RPL8: variants seen among roughly 807,000 people sequenced by gnomAD.
The protein encoded by RPL8 is large ribosomal subunit protein uL2.
For synonymous variants in RPL8, 182 were observed against 143.2 expected (o/e 1.27, Z -1.94); for missense variants, 248 against 365.9 (o/e 0.68, Z 2.63).
chr8:144,792,311 G>T lies in RPL8; in HGVS notation c.-182C>A. 1.1e-6 allele frequency: 1 copy of T among 925,602 alleles called. No homozygotes were observed. The highest frequency in any genetic ancestry group is 1.5e-6 in the Non-Finnish European group (1 of 681,976). The allele number at this position is 925,602 out of a possible 1,614,324, so 57.3% of individuals were successfully genotyped here. A position where few individuals can be genotyped will look rare whatever the true frequency, so the allele number is the denominator to read the frequency against. ...CGGTCCGGGTCTCAGCGCGCCTCAC[G>T]GAAGAGGATGGCGGCGGATACTGCC... On this transcript the variant is annotated 5_prime_UTR_variant, in exon 1 of 5. Transcript: ENST00000528957.
rs1262467941 is a variant in RPL8 at position 144,792,008 on chromosome 8, A to C, written c.122T>G (p.Ile41Ser). ...AVDFAERHGY[I>S]KGIVKDIIHD... Reference sequence around the variant, plus strand: ...GTTCCGCACCTTGACGATGCCCTTGATGTAGCCGTGCCGCTCAGCGAAATC... The same window carrying C: ...GTTCCGCACCTTGACGATGCCCTTGCTGTAGCCGTGCCGCTCAGCGAAATC... The change falls in exon 1 of 5, where the codon ATC (isoleucine) becomes AGC (serine). Residue 41 changes from isoleucine to serine, a missense_variant. Transcript: ENST00000528957. 1 of 1,609,048 alleles carries C rather than the reference A, an allele frequency of 6.2e-7. No individual in the cohort carries two copies. The highest frequency in any genetic ancestry group is 8.5e-7 in the Non-Finnish European group (1 of 1,177,930).
intron 4 of RPL8, 46 bp downstream of exon 4, chr8:144,790,309 G>A (rs374873151): frequency 6.6e-5 from 98 of 1,480,186 alleles, no homozygotes; most frequent in Non-Finnish European, 8.7e-5. Flanking sequence ...CAACAGTGTG[G>A]CCACTGTAAC....
Position 144,792,217 on chromosome 8 carries a change from C to T in RPL8, c.-88G>A. Reference sequence around the variant, plus strand: ...GCCCGGCTTTCCGGGACCCCGCCCCCGAGGCCGCCGCGCCCACCACTCCCT... The same window carrying T: ...GCCCGGCTTTCCGGGACCCCGCCCCTGAGGCCGCCGCGCCCACCACTCCCT... On this transcript the variant is annotated 5_prime_UTR_variant, in exon 1 of 5. Coordinates refer to ENST00000528957, the MANE Select transcript of RPL8 (RefSeq NM_001317782.2). 7.2e-7 allele frequency: 1 copy of T among 1,388,746 alleles called. No homozygotes were observed. The highest frequency in any genetic ancestry group is 9.3e-7 in the Non-Finnish European group (1 of 1,078,064). The allele number at this position is 1,388,746 out of a possible 1,614,324, so 86.0% of individuals were successfully genotyped here.
At chr8:144,790,555 A>C in intron 3 of RPL8, 85 bp from the exon 4 acceptor site, 1 of 1,039,558 alleles carries the variant, frequency 9.6e-7, no homozygotes, top group Non-Finnish European at 1.5e-6. Flanking sequence ...GCACCTTCCC[A>C]ATACTGCATC....
In RPL8 at chr8:144,792,211, C is replaced by T; in HGVS notation, c.-82G>A. On this transcript the variant is annotated 5_prime_UTR_variant, in exon 1 of 5. Coordinates refer to ENST00000528957, the MANE Select transcript of RPL8 (RefSeq NM_001317782.2). ...CCGCCAGCCCGGCTTTCCGGGACCCCGCCCCCGAGGCCGCCGCGCCCACCA... is the reference window on the plus strand; with the variant it reads ...CCGCCAGCCCGGCTTTCCGGGACCCTGCCCCCGAGGCCGCCGCGCCCACCA... 2.2e-6 allele frequency: 3 copies of T among 1,393,988 alleles called. No individual in the cohort carries two copies. The highest frequency in any genetic ancestry group is 2.8e-6 in the Non-Finnish European group (3 of 1,081,216). 86.4% of individuals were successfully genotyped at this position (1,393,988 alleles called of 1,614,324 possible). A position where few individuals can be genotyped will look rare whatever the true frequency, so the allele number is the denominator to read the frequency against.
chr8:144,790,415 C>T lies in RPL8; in HGVS notation c.555G>A (p.Ala185=), dbSNP rs188677090. ...IDKPILKAGR[A]YHKYKAKRNC... is the part of the protein sequence containing the mutation. ...TCCTCTTTGCCTTATATTTGTGGTA[C>T]GCCCGGCCAGCCTTCAAGATGGGTT... The change falls in exon 4 of 5, where the codon GCG becomes GCA. Residue 185 remains alanine, a synonymous_variant. Transcript: ENST00000528957. The T allele has an allele frequency of 2.2e-5, 35 of 1,614,168 alleles. No individual in the cohort carries two copies. In the South Asian group the frequency reaches 3.0e-4, roughly 14 times the overall value.
intron 2 of RPL8, 42 bp downstream of exon 2, chr8:144,791,731 C>G: frequency 6.2e-7 from 1 of 1,611,658 alleles, no homozygotes; most frequent in Non-Finnish European, 8.5e-7. Context: ...AACACCCAGA[C>G]CCCTCCCCAC....
chr8:144,792,153 C>T lies in RPL8; in HGVS notation c.-24G>A, dbSNP rs776126062. 3 of 1,479,030 alleles carry T rather than the reference C, an allele frequency of 2.0e-6. No homozygotes were observed. In the East Asian group the frequency reaches 7.5e-5, roughly 37 times the overall value. The allele number at this position is 1,479,030 out of a possible 1,614,324, so 91.6% of individuals were successfully genotyped here. A position where few individuals can be genotyped will look rare whatever the true frequency, so the allele number is the denominator to read the frequency against. ...ATGGCGACGGGTCCTGGGGGCGACT[C>T]ACGATTAGCGCGGCCGGGCGGCCCG... On this transcript the variant is annotated 5_prime_UTR_variant, in exon 1 of 5. Transcript: ENST00000528957.
At position 144,792,168 on chromosome 8, in the gene RPL8, C is replaced by T. The variant is rs533454561; in HGVS notation, c.-39G>A. 2.2e-5 allele frequency: 32 copies of T among 1,447,662 alleles called. No homozygotes were observed. In the African/African-American group the frequency reaches 4.6e-4, roughly 21 times the overall value. The allele number at this position is 1,447,662 out of a possible 1,614,324, so 89.7% of individuals were successfully genotyped here. The stretch of plus-strand genomic sequence containing the variant: ...GGGGGCGACTCACGATTAGCGCGGC[C>T]GGGCGGCCCGGGTACCCCCGCCAGC... On this transcript the variant is annotated 5_prime_UTR_variant, in exon 1 of 5. Transcript: ENST00000528957.
At chr8:144,790,053 CG>C (rs968684692) in intron 4 of RPL8, 91 bp from the exon 5 acceptor site, 112 of 1,429,946 alleles carry the variant, frequency 7.8e-5, no homozygotes, top group Non-Finnish European at 1.0e-4. Flanking sequence ...CCCAATTCCG[CG>C]AAGCCCCTCT....
At position 144,791,907 on chromosome 8, in the gene RPL8, A is replaced by G; in HGVS notation, c.146T>C (p.Ile49Thr). ...GYIKGIVKDI[I>T]HDPGRGAPLA... is the part of the protein sequence containing the mutation. The stretch of plus-strand genomic sequence containing the variant: ...GGGCGCGCCGCGGCCCGGGTCGTGG[A>G]TGATGTCCTGTGGGCAGAGGCGGCG... The change falls in exon 2 of 5, where the codon ATC (isoleucine) becomes ACC (threonine). Residue 49 changes from isoleucine (I) to threonine (T), a missense_variant. Ile to Thr is a moderately conservative substitution (Grantham distance 89, BLOSUM62 -1). Coordinates refer to ENST00000528957, the MANE Select transcript of RPL8 (RefSeq NM_001317782.2). 3 of 1,613,082 alleles carry G rather than the reference A, an allele frequency of 1.9e-6. 1 individual carries two copies. In the Middle Eastern group the frequency reaches 4.9e-4, roughly 266 times the overall value.
Position 144,792,013 on chromosome 8 carries a change from G to T in RPL8, c.117C>A (p.Gly39=). The stretch of plus-strand genomic sequence containing the variant: ...GCACCTTGACGATGCCCTTGATGTA[G>T]CCGTGCCGCTCAGCGAAATCCACGG... ...LRAVDFAERH[G]YIKGIVKDII... The change falls in exon 1 of 5, where the codon GGC becomes GGA. Residue 39 remains glycine (G), a synonymous_variant. Coordinates refer to ENST00000528957, the MANE Select transcript of RPL8 (RefSeq NM_001317782.2). 1 of 1,608,958 alleles carries T rather than the reference G, an allele frequency of 6.2e-7. No individual in the cohort carries two copies. Among genetic ancestry groups the T allele is most frequent in the South Asian group, 1.1e-5 (1 of 90,784 alleles).
At chr8:144,790,613 T>G (rs528243445) in intron 3 of RPL8, 143 bp from the exon 4 acceptor site, 2 of 703,952 alleles carry the variant, frequency 2.8e-6, no homozygotes, top group Non-Finnish European at 5.1e-6. Flanking sequence ...GGGAGCCCCT[T>G]GCACCCTGTG....
Position 144,792,350 on chromosome 8 carries a change from C to G in RPL8, c.-221G>C, listed in dbSNP as rs1489339571. The G allele has an allele frequency of 5.5e-6, 4 of 725,330 alleles. No homozygotes were observed. The highest frequency in any genetic ancestry group is 7.8e-6 in the Non-Finnish European group (4 of 510,924). The allele number at this position is 725,330 out of a possible 1,614,324, so 44.9% of individuals were successfully genotyped here. On this transcript the variant is annotated 5_prime_UTR_variant, in exon 1 of 5. Coordinates refer to ENST00000528957, the MANE Select transcript of RPL8 (RefSeq NM_001317782.2). ...GCGGATACTGCCCATGCCGCAAGGC[C>G]GCAAGGATGACCTACCTGTTCACCA... is the stretch of plus-strand genomic sequence containing the variant.
At chr8:144,790,170 G>A (rs936959293) in intron 4 of RPL8, among the ~76,000 whole-genome samples, 185 bp downstream of exon 4, 1 of 152,100 alleles carries the variant, frequency 6.6e-6, no homozygotes, top group Admixed American at 6.5e-5. Flanking sequence ...GGTGAAGGAG[G>A]GTGAGCCCAC....
Position 144,790,404 on chromosome 8 carries a change from T to C in RPL8, c.566A>G (p.Tyr189Cys). 1 of 1,614,162 alleles carries C rather than the reference T, an allele frequency of 6.2e-7. No homozygotes were observed. The highest frequency in any genetic ancestry group is 8.5e-7 in the Non-Finnish European group (1 of 1,180,024). The change falls in exon 4 of 5, where the codon TAT (tyrosine) becomes TGT (cysteine). Residue 189 changes from tyrosine to cysteine, a missense_variant. Coordinates refer to ENST00000528957, the MANE Select transcript of RPL8 (RefSeq NM_001317782.2). ...ILKAGRAYHK[Y>C]KAKRNCWPRV... The stretch of plus-strand genomic sequence containing the variant: ...TGGCCAGCAGTTCCTCTTTGCCTTA[T>C]ATTTGTGGTACGCCCGGCCAGCCTT...
At chr8:144,790,597 A>C in intron 3 of RPL8, 127 bp from the exon 4 acceptor site, 1 of 743,860 alleles carries the variant, frequency 1.3e-6, no homozygotes, top group Non-Finnish European at 2.4e-6. Context: ...ACTCGCCTCC[A>C]CCCTAGGGAG....
chr8:144,790,626 C>A, intron 3 of RPL8, 156 bp from the exon 4 acceptor site: 1 of 691,040 alleles, frequency 1.4e-6, no homozygotes, highest in South Asian at 1.6e-5. Flanking sequence ...ACCCTGTGAG[C>A]TGACATCCAG....
chr8:144,791,134 G>C, intron 3 of RPL8, 143 bp downstream of exon 3: 1 of 725,224 alleles, frequency 1.4e-6, no homozygotes, highest in Non-Finnish European at 2.4e-6. Flanking sequence ...GAGACTACAG[G>C]ATGAGCTCAA....
Sources: gnomAD v4.1 joint callset for allele counts (sites outside exome capture counted in the v4.1 genomes callset) on GRCh38, gnomAD v4.1.1 for gene constraint, MANE v1.5 for transcripts, NCBI Gene and HGNC (gene_info 2026-07-23, HGNC 2026-07-21) for gene names.